The following SLC39A11 variants were observed in gnomAD, a reference collection of about 807,000 sequenced individuals.
SLC39A11 encodes solute carrier family 39 member 11.
SLC39A11 carries 33 observed loss-of-function variants against 36.1 expected under a neutral mutation model. The ratio of observed to expected loss-of-function variants is 0.91; its 90% CI spans 0.69 to 1.22. SLC39A11 has a LOEUF of 1.22. SLC39A11 is among the 50% of genes most tolerant of loss of function. The pLI, the probability that SLC39A11 is intolerant of heterozygous loss-of-function variation, is 0.00. For missense variants in SLC39A11, 432 were observed against 430.3 expected, an observed-to-expected ratio of 1.00 and a Z score of -0.03; for synonymous variants, 166 against 170.3, an observed-to-expected ratio of 0.97 and a Z score of 0.20.
intron 6 of SLC39A11, among the ~76,000 whole-genome samples, chr17:72,760,346 G>A (rs1292532310): frequency 6.6e-6 from 1 of 152,222 alleles, no homozygotes; most frequent in African/African-American, 2.4e-5. Context: ...GCATATTTTA[G>A]CATAGGCTAT....
intron 7 of SLC39A11, among the ~76,000 whole-genome samples, chr17:72,700,722 C>T (rs982307301): frequency 6.6e-6 from 1 of 152,240 alleles, no homozygotes; most frequent in Non-Finnish European, 1.5e-5. Flanking sequence ...CACAATTCCA[C>T]GTGGATGGGG....
chr17:72,685,703 C>T (rs2071715053), intron 7 of SLC39A11, among the ~76,000 whole-genome samples: 1 of 152,254 alleles, frequency 6.6e-6, no homozygotes, highest in East Asian at 1.9e-4. Context: ...GGGACATTTT[C>T]TGATTTTGAA....
intron 4 of SLC39A11, among the ~76,000 whole-genome samples, chr17:72,985,249 A>T (rs1188149991): frequency 6.6e-6 from 1 of 152,190 alleles, no homozygotes; most frequent in Non-Finnish European, 1.5e-5. Flanking sequence ...CCACGCAGAC[A>T]GCGCCCACAG....
At chr17:72,785,929 T>C (rs2076498545) in intron 6 of SLC39A11, among the ~76,000 whole-genome samples, 1 of 147,834 alleles carries the variant, frequency 6.8e-6, no homozygotes, top group African/African-American at 2.6e-5. Flanking sequence ...AATGATCGTT[T>C]ATGCTTAAAA....
chr17:72,754,806 G>A (rs1357443443), intron 6 of SLC39A11, among the ~76,000 whole-genome samples: 6 of 152,218 alleles, frequency 3.9e-5, no homozygotes, highest in African/African-American at 7.2e-5. Context: ...TTTCAGACAC[G>A]TACACGAATG....
chr17:73,033,485 C>T (rs1291561676), intron 3 of SLC39A11, among the ~76,000 whole-genome samples: 4 of 152,160 alleles, frequency 2.6e-5, no homozygotes, highest in Non-Finnish European at 5.9e-5. Flanking sequence ...GATGAGCTGG[C>T]GCAGTGGTGC....
At chr17:72,788,510 T>A (rs1013256987) in intron 6 of SLC39A11, among the ~76,000 whole-genome samples, 1 of 152,242 alleles carries the variant, frequency 6.6e-6, no homozygotes, top group African/African-American at 2.4e-5. Flanking sequence ...GGCTGTACTT[T>A]CCTTCAATTT....
chr17:72,831,099 A>T (rs570046145), intron 6 of SLC39A11, among the ~76,000 whole-genome samples: 3 of 152,004 alleles, frequency 2.0e-5, no homozygotes, highest in Non-Finnish European at 4.4e-5. Context: ...ATTTAAGAAG[A>T]CTGTTTGCAC....
intron 3 of SLC39A11, among the ~76,000 whole-genome samples, chr17:73,045,456 C>CT (rs942537652): frequency 1.5e-4 from 19 of 129,800 alleles, no homozygotes; most frequent in African/African-American, 3.6e-4. Context: ...TCCTATATTT[C>CT]TTTTTTTTCC....
intron 3 of SLC39A11, among the ~76,000 whole-genome samples, chr17:73,058,208 T>C (rs1599071903): frequency 1.3e-5 from 2 of 152,170 alleles, no homozygotes; most frequent in Admixed American, 1.3e-4. Flanking sequence ...TGGCAAATAA[T>C]ACTATTTTGG....
chr17:73,036,620 T>C (rs189974422), intron 3 of SLC39A11, among the ~76,000 whole-genome samples: 1 of 152,244 alleles, frequency 6.6e-6, no homozygotes, highest in East Asian at 1.9e-4. Flanking sequence ...CTCATTTTTG[T>C]ACTTTTAGTA....
At chr17:72,779,572 T>A (rs1043179510) in intron 6 of SLC39A11, among the ~76,000 whole-genome samples, 1 of 152,248 alleles carries the variant, frequency 6.6e-6, no homozygotes, top group Non-Finnish European at 1.5e-5. Context: ...GCTGTTCACC[T>A]GACCGTGCTA....
At chr17:72,972,102 G>T (rs1012726807) in intron 4 of SLC39A11, among the ~76,000 whole-genome samples, 1 of 152,178 alleles carries the variant, frequency 6.6e-6, no homozygotes, top group Non-Finnish European at 1.5e-5. Flanking sequence ...AAAGAAAAAC[G>T]GTCTCAACGT....
intron 7 of SLC39A11, among the ~76,000 whole-genome samples, chr17:72,711,493 C>T (rs1013337406): frequency 1.6e-4 from 24 of 152,130 alleles, no homozygotes; most frequent in Admixed American, 3.3e-4. Flanking sequence ...CACAGATGAC[C>T]GTGGTGTCAT....
chr17:72,693,198 G>C (rs1456580341), intron 7 of SLC39A11, among the ~76,000 whole-genome samples: 2 of 152,110 alleles, frequency 1.3e-5, no homozygotes, highest in Non-Finnish European at 2.9e-5. Context: ...CATGCCCTTT[G>C]GCCCCCCTCC....
chr17:73,071,100 C>T (rs760900190), intron 3 of SLC39A11, among the ~76,000 whole-genome samples: 3 of 152,076 alleles, frequency 2.0e-5, no homozygotes, highest in African/African-American at 4.8e-5. Flanking sequence ...TAATGTGCAG[C>T]CAGGGTGGAG....
intron 6 of SLC39A11, among the ~76,000 whole-genome samples, chr17:72,764,338 T>C (rs1568050697): frequency 6.6e-6 from 1 of 152,110 alleles, no homozygotes. Context: ...TCAGCTGTGG[T>C]GGGGACAAGG....
rs558193911 is a variant in SLC39A11 at position 73,050,462 on chromosome 17, C to CTT, written c.148-18750_148-18749dup. 1.3e-3 allele frequency among the ~76,000 whole-genome samples: 160 copies of CTT among 124,304 alleles called. 4 individuals are homozygous for CTT. Among genetic ancestry groups the CTT allele is most frequent in the African/African-American group, 4.7e-3 (151 of 31,864 alleles). 81.5% of individuals were successfully genotyped at this position (124,304 alleles called of 152,430 possible). On this transcript the variant is annotated intron_variant, in intron 3 of 9. Coordinates refer to ENST00000255559, the MANE Select transcript of SLC39A11 (RefSeq NM_139177.4). ...AGGAGCAGGGAGCCATGTGAACTGACTTTTTTTTTTTTTTTTTTTGAGACA... is the reference window on the plus strand; with the variant it reads ...AGGAGCAGGGAGCCATGTGAACTGACTTTTTTTTTTTTTTTTTTTTTGAGACA...
At chr17:73,032,500 C>G (rs2058770639) in intron 3 of SLC39A11, among the ~76,000 whole-genome samples, 1 of 152,162 alleles carries the variant, frequency 6.6e-6, no homozygotes, top group South Asian at 2.1e-4. Context: ...AGCCACCATG[C>G]CCAGCCCAAA....
Sources: allele counts gnomAD v4.1 joint callset (sites outside exome capture counted in the v4.1 genomes callset), GRCh38; gene constraint gnomAD v4.1.1; transcripts MANE v1.5; gene names NCBI Gene and HGNC (gene_info 2026-07-23, HGNC 2026-07-21).